The following NUP160 variants were observed in gnomAD, a reference collection of about 807,000 sequenced individuals.
NUP160 encodes the protein nucleoporin 160.
A neutral mutation model predicts 196.9 loss-of-function variants in NUP160; 94 were observed. The ratio of observed to expected loss-of-function variants is 0.48; its 90% confidence interval spans 0.40 to 0.57. The LOEUF (loss-of-function observed/expected upper bound fraction) is 0.57. NUP160 is among the 20% of genes least tolerant of loss of function. The pLI, the probability that NUP160 is intolerant of heterozygous loss-of-function variation, is 0.00. For missense variants in NUP160, 1,638 were observed against 1,748.3 expected (o/e 0.94, Z 1.13); for synonymous variants, 605 against 619.7 (o/e 0.98, Z 0.35).
chr11:47,779,298 G>T, intron 35 of NUP160, 104 bp from the exon 36 acceptor site: 1 of 691,770 alleles, frequency 1.4e-6, no homozygotes, highest in Non-Finnish European at 2.4e-6. Context: ...ACCTTATAAA[G>T]ATGTTAGCCA....
chr11:47,808,834 C>T (rs144187892), intron 17 of NUP160, among the ~76,000 whole-genome samples: 286 of 152,200 alleles, frequency 1.9e-3, no homozygotes, highest in Middle Eastern at 0.014. Flanking sequence ...GGCACAGTGG[C>T]TCACACCTGT....
chr11:47,822,565 TTTTC>T (rs1037732745), intron 7 of NUP160, among the ~76,000 whole-genome samples: 1 of 151,820 alleles, frequency 6.6e-6, no homozygotes, highest in Admixed American at 6.6e-5. Context: ...CAAAAATTTT[TTTTC>T]TTTTCTTTTT....
intron 7 of NUP160, among the ~76,000 whole-genome samples, chr11:47,823,466 C>T (rs1480578389): frequency 3.9e-5 from 6 of 152,146 alleles, no homozygotes. Flanking sequence ...GTTTTTGTGA[C>T]TGGTTTATGT....
chr11:47,823,603 C>T (rs557643807), intron 7 of NUP160, among the ~76,000 whole-genome samples: 47 of 152,080 alleles, frequency 3.1e-4, no homozygotes, highest in Admixed American at 5.2e-4. Context: ...GGTGCGATCT[C>T]GGCTCACTGC....
chr11:47,814,505 G>A (rs1213509472), intron 13 of NUP160, among the ~76,000 whole-genome samples: 1 of 148,466 alleles, frequency 6.7e-6, no homozygotes, highest in Non-Finnish European at 1.5e-5. Flanking sequence ...TGCACCACTG[G>A]ACTCTAGCCT....
At chr11:47,821,565 G>T in intron 9 of NUP160, 159 bp downstream of exon 9, 1 of 566,754 alleles carries the variant, frequency 1.8e-6, no homozygotes. Context: ...GGTTTCTGTT[G>T]CCCAGCCTGG....
intron 7 of NUP160, among the ~76,000 whole-genome samples, chr11:47,834,755 T>G (rs1599344681): frequency 6.6e-6 from 1 of 151,564 alleles, no homozygotes; most frequent in Non-Finnish European, 1.5e-5. Context: ...TATGGCCAGG[T>G]GTGATGAGGC....
At chr11:47,828,724 C>G (rs1359392245) in intron 7 of NUP160, among the ~76,000 whole-genome samples, 1 of 152,094 alleles carries the variant, frequency 6.6e-6, no homozygotes, top group Admixed American at 6.6e-5. Flanking sequence ...AGTGTGGTAC[C>G]AGCACAAGGT....
At chr11:47,781,918 A>C (rs1287543192) in intron 34 of NUP160, among the ~76,000 whole-genome samples, 1 of 152,148 alleles carries the variant, frequency 6.6e-6, no homozygotes, top group East Asian at 1.9e-4. Context: ...ACAGATAGTA[A>C]AGGTTAAATA....
rs777319816 is a variant in NUP160, at chr11:47,791,932, G to C, written c.3509C>G (p.Pro1170Arg). Residue 1170 changes from proline (P) to arginine (R), a missense_variant and splice_region_variant, in exon 29 of 36, where the codon CCC becomes CGC. Transcript: ENST00000378460. ...CCAGTGTGAGACTCCTGACTCACTG[G>C]GGGCAGCTGTGCATTCTCCATCATG... is the stretch of plus-strand genomic sequence containing the variant. 1.9e-6 allele frequency: 3 copies of C among 1,609,028 alleles called. No homozygotes were observed. Among genetic ancestry groups the C allele is most frequent in the Admixed American group, 3.4e-5 (2 of 59,500 alleles).
chr11:47,829,883 CT>C (rs1236868818), intron 7 of NUP160, among the ~76,000 whole-genome samples: 1 of 152,162 alleles, frequency 6.6e-6, no homozygotes. Context: ...TCTAATTAAA[CT>C]TAAAAGCTTC....
At chr11:47,811,991 A>G (rs2097681414) in intron 17 of NUP160, 73 bp downstream of exon 17, 3 of 1,413,196 alleles carry the variant, frequency 2.1e-6, no homozygotes, top group South Asian at 1.2e-5. Flanking sequence ...TAGGGCTGAC[A>G]TTTTGCTCCT....
intron 31 of NUP160, 83 bp downstream of exon 31, chr11:47,788,099 G>A (rs1288444374): frequency 6.1e-6 from 7 of 1,147,370 alleles, no homozygotes; most frequent in Non-Finnish European, 8.8e-6. Context: ...GGGCTACTTG[G>A]CTTATGACGA....
At chr11:47,835,079 T>C (rs1852147926) in intron 7 of NUP160, among the ~76,000 whole-genome samples, 1 of 152,098 alleles carries the variant, frequency 6.6e-6, no homozygotes, top group African/African-American at 2.4e-5. Context: ...AGCTCCTGCA[T>C]AGTAAGGGAG....
At chr11:47,824,019 ATATATATATATATATATAT>A (rs1296198874) in intron 7 of NUP160, among the ~76,000 whole-genome samples, 5 of 68,604 alleles carry the variant, frequency 7.3e-5, no homozygotes, top group Non-Finnish European at 1.5e-4. Flanking sequence ...ATATATATAT[ATATATATATATATATATAT>A]ATATATATAT....
intron 19 of NUP160, among the ~76,000 whole-genome samples, chr11:47,806,695 T>C (rs1162564768): frequency 1.3e-5 from 2 of 152,064 alleles, no homozygotes; most frequent in East Asian, 3.9e-4. Context: ...TTTAAATATC[T>C]GTTGACTAAG....
chr11:47,830,337 C>T (rs1461776108), intron 7 of NUP160, among the ~76,000 whole-genome samples: 1 of 152,164 alleles, frequency 6.6e-6, no homozygotes, highest in African/African-American at 2.4e-5. Context: ...AACTACCATT[C>T]CACTCAGCAA....
chr11:47,813,540 T>G (rs909591369), intron 13 of NUP160, 125 bp from the exon 14 acceptor site: 1 of 629,634 alleles, frequency 1.6e-6, no homozygotes, highest in Non-Finnish European at 2.8e-6. Flanking sequence ...ATAATAGGTG[T>G]AAGTCTTGGC....
Position 47,815,660 on chromosome 11 carries a change from A to G in NUP160, c.1516-11T>C. 2 of 1,563,288 alleles carry G rather than the reference A, an allele frequency of 1.3e-6. No individual in the cohort carries two copies. The highest frequency in any genetic ancestry group is 1.7e-6 in the Non-Finnish European group (2 of 1,160,024). Reference sequence around the variant, plus strand: ...TACACTTCCTTGAAGCTGGCAAAGAAGAAATGAAAGAAATTAAACTTTTGA... The same window carrying G: ...TACACTTCCTTGAAGCTGGCAAAGAGGAAATGAAAGAAATTAAACTTTTGA... On this transcript the variant is annotated splice_polypyrimidine_tract_variant and intron_variant, in intron 12 of 35. Coordinates refer to ENST00000378460, the Ensembl canonical transcript of NUP160.
Sources: allele counts gnomAD v4.1 joint callset (sites outside exome capture counted in the v4.1 genomes callset), GRCh38; gene constraint gnomAD v4.1.1; transcripts MANE v1.5; gene names NCBI Gene and HGNC (gene_info 2026-07-23, HGNC 2026-07-21).